The following CSMD3 variants were observed in gnomAD, a reference collection of about 807,000 sequenced individuals.
CSMD3 encodes the protein CUB and Sushi multiple domains 3.
Under a neutral mutation model 435.2 loss-of-function variants are expected in CSMD3, and 177 were observed. The ratio of observed to expected loss-of-function variants is 0.41; its 90% confidence interval spans 0.36 to 0.46. The LOEUF is 0.46. Among genes scored for constraint, CSMD3 ranks in the 20% least tolerant of loss-of-function variants. The pLI, the probability that CSMD3 is intolerant of heterozygous loss-of-function variation, is 0.34. For missense variants in CSMD3, 4,265 were observed against 4,504.6 expected, an observed-to-expected ratio of 0.95 and a Z score of 1.52; for synonymous variants, 1,656 against 1,520.5, an observed-to-expected ratio of 1.09 and a Z score of -2.07.
chr8:113,180,765 C>T (rs968582631), intron 3 of CSMD3, among the ~76,000 whole-genome samples: 1 of 152,004 alleles, frequency 6.6e-6, no homozygotes, highest in Non-Finnish European at 1.5e-5. Context: ...GATCACATTG[C>T]CACCATGTGA....
At chr8:112,354,109 C>T (rs1317007400) in intron 38 of CSMD3, among the ~76,000 whole-genome samples, 1 of 152,086 alleles carries the variant, frequency 6.6e-6, no homozygotes, top group African/African-American at 2.4e-5. Context: ...ATGATCATTT[C>T]AATAGATGCA....
chr8:113,234,884 G>C (rs1371504485), intron 3 of CSMD3, among the ~76,000 whole-genome samples: 1 of 151,988 alleles, frequency 6.6e-6, no homozygotes, highest in Non-Finnish European at 1.5e-5. Flanking sequence ...GGGTTTTCTG[G>C]GTCTGATTCT....
chr8:112,942,851 T>C (rs969008401), intron 9 of CSMD3, among the ~76,000 whole-genome samples: 1 of 151,780 alleles, frequency 6.6e-6, no homozygotes, highest in African/African-American at 2.4e-5. Context: ...CCTGTATGTA[T>C]AGCCCTGAAA....
chr8:112,244,603 T>A, intron 64 of CSMD3, 30 bp from the exon 65 acceptor site: 1 of 1,600,924 alleles, frequency 6.2e-7, no homozygotes, highest in Middle Eastern at 1.7e-4. Flanking sequence ...CAATGTAAAT[T>A]TTCTATAGAT....
intron 12 of CSMD3, among the ~76,000 whole-genome samples, chr8:112,808,618 CCG>C (rs1267900284): frequency 6.6e-6 from 1 of 152,170 alleles, no homozygotes; most frequent in Non-Finnish European, 1.5e-5. Flanking sequence ...ACCCAAAGCC[CCG>C]CGTCTATCAC....
intron 6 of CSMD3, among the ~76,000 whole-genome samples, chr8:112,990,474 T>C (rs1269256444): frequency 6.6e-6 from 1 of 151,922 alleles, no homozygotes; most frequent in African/African-American, 2.4e-5. Context: ...AAGTATTTAA[T>C]AGAAGCACTA....
intron 5 of CSMD3, among the ~76,000 whole-genome samples, chr8:113,098,101 A>G (rs1248278605): frequency 6.6e-6 from 1 of 152,018 alleles, no homozygotes; most frequent in Non-Finnish European, 1.5e-5. Flanking sequence ...TTTTGGATAA[A>G]TTCCCATGGT....
At chr8:112,818,672 TTC>T (rs1317516040) in intron 12 of CSMD3, among the ~76,000 whole-genome samples, 1 of 152,176 alleles carries the variant, frequency 6.6e-6, no homozygotes, top group Non-Finnish European at 1.5e-5. Flanking sequence ...CCTTCTCTGA[TTC>T]TTCCCCTGTA....
chr8:112,717,095 T>C (rs1370086053), intron 13 of CSMD3, among the ~76,000 whole-genome samples: 1 of 152,136 alleles, frequency 6.6e-6, no homozygotes, highest in Non-Finnish European at 1.5e-5. Context: ...AAAGAGCTTC[T>C]GCACAGCAAA....
At chr8:113,113,185 A>C (rs2090715172) in intron 4 of CSMD3, among the ~76,000 whole-genome samples, 1 of 152,202 alleles carries the variant, frequency 6.6e-6, no homozygotes, top group African/African-American at 2.4e-5. Flanking sequence ...CTAGACTAAG[A>C]ATTATGAATA....
intron 16 of CSMD3, among the ~76,000 whole-genome samples, chr8:112,674,179 G>A (rs950677759): frequency 3.3e-5 from 5 of 152,110 alleles, no homozygotes; most frequent in African/African-American, 1.2e-4. Flanking sequence ...AGCACTTTCA[G>A]ATTCATTCCT....
At chr8:112,881,924 T>C (rs1275513253) in intron 10 of CSMD3, among the ~76,000 whole-genome samples, 1 of 151,964 alleles carries the variant, frequency 6.6e-6, no homozygotes, top group Non-Finnish European at 1.5e-5. Flanking sequence ...AAAATATTAT[T>C]GATTAATTCC....
intron 4 of CSMD3, among the ~76,000 whole-genome samples, chr8:113,121,091 T>A (rs1219001856): frequency 6.6e-6 from 1 of 152,098 alleles, no homozygotes; most frequent in African/African-American, 2.4e-5. Flanking sequence ...AACCAGCTTT[T>A]TTGTGCCTTA....
At chr8:113,366,454 C>G (rs2094312102) in intron 1 of CSMD3, among the ~76,000 whole-genome samples, 1 of 151,980 alleles carries the variant, frequency 6.6e-6, no homozygotes, top group Non-Finnish European at 1.5e-5. Context: ...TTACTAAGAA[C>G]TGTATTTGAT....
intron 3 of CSMD3, among the ~76,000 whole-genome samples, chr8:113,238,336 C>T (rs2093173485): frequency 1.3e-5 from 2 of 152,144 alleles, no homozygotes; most frequent in South Asian, 2.1e-4. Flanking sequence ...AATTGAGAAA[C>T]TTTTCCCCAA....
intron 41 of CSMD3, among the ~76,000 whole-genome samples, chr8:112,343,001 TTATATATATATATA>T (rs34740069): frequency 5.5e-5 from 6 of 109,678 alleles, no homozygotes; most frequent in Admixed American, 9.8e-5. Flanking sequence ...ATATATATAT[TTATATATATATATA>T]TTTATATATA....
chr8:113,018,878 A>G (rs1380159857), intron 6 of CSMD3, 189 bp downstream of exon 6: 1 of 597,518 alleles, frequency 1.7e-6, no homozygotes, highest in Non-Finnish European at 3.0e-6. Flanking sequence ...ATTATACTAT[A>G]AAATCAACTA....
intron 13 of CSMD3, among the ~76,000 whole-genome samples, chr8:112,736,825 T>G (rs1337860582): frequency 6.6e-6 from 1 of 151,958 alleles, no homozygotes; most frequent in African/African-American, 2.4e-5. Flanking sequence ...ATTAATATAT[T>G]TTTCTTAGGG....
chr8:112,641,565 G>A (rs2074828366), intron 20 of CSMD3, among the ~76,000 whole-genome samples: 1 of 152,098 alleles, frequency 6.6e-6, no homozygotes, highest in Admixed American at 6.6e-5. Context: ...ATCCAGGTCT[G>A]GTGGCTCACA....
Sources: allele counts gnomAD v4.1 joint callset (sites outside exome capture counted in the v4.1 genomes callset), GRCh38; gene constraint gnomAD v4.1.1; transcripts MANE v1.5; gene names NCBI Gene and HGNC (gene_info 2026-07-23, HGNC 2026-07-21).